DSCAML1: variants seen among roughly 807,000 people sequenced by gnomAD.
The protein encoded by DSCAML1 is cell adhesion molecule DSCAML1.
Under a neutral mutation model 200.5 loss-of-function variants are expected in DSCAML1, and 38 were observed. The observed-to-expected ratio is 0.19, with a 90% CI of 0.15 to 0.25. The LOEUF (loss-of-function observed/expected upper bound fraction) is 0.25, where lower values mean the gene tolerates loss of function less well. Ranked by LOEUF, DSCAML1 falls within the 10% of genes least tolerant of loss-of-function variation. The pLI is 1.00. For synonymous variants in DSCAML1, 1,215 were observed against 1,165.0 expected, an observed-to-expected ratio of 1.04 and a Z score of -0.87; for missense variants, 2,223 against 2,858.8, an observed-to-expected ratio of 0.78 and a Z score of 5.07.
chr11:117,518,822 G>C lies in DSCAML1; in HGVS notation c.1214-60C>G. On this transcript the variant is annotated intron_variant, in intron 6 of 32. Coordinates refer to ENST00000651296, the MANE Select transcript of DSCAML1 (RefSeq NM_020693.4). The surrounding 1 kb of genome is among the most constrained non-coding windows in gnomAD (Gnocchi z 6.3). The stretch of plus-strand genomic sequence containing the variant: ...AAGCCATGGAGAGACGGTCCCCCCA[G>C]CCACCCCACCTCAGCAGGGGAGGAG... The C allele has an allele frequency of 6.5e-7, 1 of 1,536,008 alleles. No homozygotes were observed. Among genetic ancestry groups the C allele is most frequent in the Non-Finnish European group, 8.7e-7 (1 of 1,148,170 alleles).
At chr11:117,757,905 G>A (rs184651365) in intron 3 of DSCAML1, among the ~76,000 whole-genome samples, 5 of 152,256 alleles carry the variant, frequency 3.3e-5, no homozygotes, top group East Asian at 1.9e-4. Context: ...CAGGAGAATC[G>A]CTTGAACCCA....
chr11:117,773,529 GCACACACA>G (rs59492776), intron 3 of DSCAML1, among the ~76,000 whole-genome samples: 446 of 144,586 alleles, frequency 3.1e-3, no homozygotes, highest in Non-Finnish European at 3.9e-3. Context: ...ACCTCAAAAT[GCACACACA>G]CACACACACA....
intron 3 of DSCAML1, among the ~76,000 whole-genome samples, chr11:117,734,459 C>T (rs2054284002): frequency 6.6e-6 from 1 of 152,206 alleles, no homozygotes; most frequent in Non-Finnish European, 1.5e-5. Flanking sequence ...TTCCCCATTC[C>T]TAGAAAGCAC....
rs2049442830 is a variant in DSCAML1 at position 117,503,860 on chromosome 11, A to T, written c.2344T>A (p.Phe782Ile). ...GVGTDISKSM[F>I]LTVKIPAMIT... Reference sequence around the variant, plus strand: ...CAGGACTCACTCTTGACTGTGAGGAACATGGACTTGCTGATGTCGGTGCCT... The same window carrying T: ...CAGGACTCACTCTTGACTGTGAGGATCATGGACTTGCTGATGTCGGTGCCT... Residue 782 changes from phenylalanine to isoleucine, a missense_variant, in exon 11 of 33, where the codon TTC becomes ATC. By Grantham distance (21) the Phe-to-Ile change is conservative (BLOSUM62 0). Around this residue, in one of 7 missense-constraint regions of DSCAML1, gnomAD observed 438 missense variants for 629.7 expected, o/e 0.70. Transcript: ENST00000651296. The surrounding 1 kb of genome is among the most constrained non-coding windows in gnomAD (Gnocchi z 5.2). 6.2e-7 allele frequency: 1 copy of T among 1,614,012 alleles called. No homozygotes were observed. The highest frequency in any genetic ancestry group is 8.5e-7 in the Non-Finnish European group (1 of 1,179,976).
intron 3 of DSCAML1, among the ~76,000 whole-genome samples, chr11:117,608,726 T>C (rs2051625050): frequency 6.6e-6 from 1 of 152,226 alleles, no homozygotes; most frequent in Admixed American, 6.5e-5. Flanking sequence ...TTAGGATACA[T>C]TCATAGAAAT....
chr11:117,600,422 G>A (rs1457293434), intron 3 of DSCAML1, among the ~76,000 whole-genome samples: 4 of 152,148 alleles, frequency 2.6e-5, no homozygotes, highest in Non-Finnish European at 5.9e-5. Flanking sequence ...GGATCATGTC[G>A]GGGAGCAAAT....
chr11:117,565,175 T>C (rs2050734791), intron 3 of DSCAML1, among the ~76,000 whole-genome samples: 1 of 152,222 alleles, frequency 6.6e-6, no homozygotes, highest in Non-Finnish European at 1.5e-5. Flanking sequence ...TAGTATTTCT[T>C]CTGTTTTAAA....
At position 117,773,972 on chromosome 11, in the gene DSCAML1, T is replaced by A. The variant is rs1411039787; in HGVS notation, c.511+2819A>T. On this transcript the variant is annotated intron_variant, in intron 3 of 32. Transcript: ENST00000651296. ...CCACTTTCCTGATAATTATGCCCTA[T>A]GGGGCCACCAGCCCAGTCTTGACAT... Among the ~76,000 whole-genome samples the A allele has an allele frequency of 2.0e-5, 3 of 152,192 alleles. No homozygotes were observed. In the East Asian group the frequency reaches 5.8e-4, roughly 29 times the overall value.
chr11:117,482,264 C>T (rs761795848), intron 11 of DSCAML1, 102 bp from the exon 12 acceptor site: 4 of 1,361,768 alleles, frequency 2.9e-6, no homozygotes, highest in African/African-American at 1.4e-5. Flanking sequence ...CCTCCTCCCC[C>T]AGGAGAGGCT....
rs748318319 is a variant in DSCAML1 at position 117,516,425 on chromosome 11, T to G, written c.1783+42A>C. On this transcript the variant is annotated intron_variant, in intron 8 of 32. Coordinates refer to ENST00000651296, the MANE Select transcript of DSCAML1 (RefSeq NM_020693.4). This position sits in a 1 kb window ranked among gnomAD's most constrained non-coding sequence, Gnocchi z 5.7. Reference sequence around the variant, plus strand: ...TGGGGAAAGGCCCACGCATCCTGGGTGGTCAGGCGGGCAGGGGCCCTGGCT... The same window carrying G: ...TGGGGAAAGGCCCACGCATCCTGGGGGGTCAGGCGGGCAGGGGCCCTGGCT... The G allele has an allele frequency of 4.4e-6, 7 of 1,587,114 alleles. No homozygotes were observed. In the Admixed American group the frequency reaches 1.2e-4, roughly 27 times the overall value.
rs764500346 is a variant in DSCAML1, at chr11:117,726,264, TGC to T, written c.511+50525_511+50526del. On this transcript the variant is annotated intron_variant, in intron 3 of 32. Coordinates refer to ENST00000651296, the MANE Select transcript of DSCAML1 (RefSeq NM_020693.4). ...GTGTGTGTATCTCTGTGTGTGTGTG[TGC>T]GTGTGTGTGTGTGTGTGTGTGTGTG... Among the ~76,000 whole-genome samples, 889 of 136,832 alleles carry T rather than the reference TGC, an allele frequency of 6.5e-3. 2 individuals are homozygous for T. Among genetic ancestry groups the T allele is most frequent in the Middle Eastern group, 0.014 (4 of 276 alleles). 89.8% of individuals were successfully genotyped at this position (136,832 alleles called of 152,430 possible). A position where few individuals can be genotyped will look rare whatever the true frequency, so the allele number is the denominator to read the frequency against.
At chr11:117,769,255 TTATATATTTTATATA>T (rs1291368075) in intron 3 of DSCAML1, among the ~76,000 whole-genome samples, 1 of 7,524 alleles carries the variant, frequency 1.3e-4, no homozygotes, top group Non-Finnish European at 4.2e-4. Flanking sequence ...TATGTATATA[TTATATATTTTATATA>T]TTTATATATT....
At chr11:117,801,190 A>C (rs1044091219), upstream of DSCAML1, 2 of 152,216 alleles carry the variant, frequency 1.3e-5, no homozygotes, top group African/African-American at 4.8e-5. Context: ...ACAAATCAGA[A>C]ATCCTAGGTT....
chr11:117,438,128 G>T (rs915468775), intron 24 of DSCAML1, 45 bp from the exon 25 acceptor site: 4 of 1,551,308 alleles, frequency 2.6e-6, no homozygotes, highest in South Asian at 1.2e-5. Flanking sequence ...GGCAGGGCAA[G>T]GCAGCAGAAG....
chr11:117,717,382 A>T (rs1591435864), intron 3 of DSCAML1, among the ~76,000 whole-genome samples: 1 of 152,030 alleles, frequency 6.6e-6, no homozygotes, highest in Non-Finnish European at 1.5e-5. Flanking sequence ...ACTCCCCTTG[A>T]CGCTCCCTCA....
At chr11:117,693,528 T>A (rs2053535022) in intron 3 of DSCAML1, among the ~76,000 whole-genome samples, 1 of 152,158 alleles carries the variant, frequency 6.6e-6, no homozygotes, top group Admixed American at 6.5e-5. Flanking sequence ...CAGGTACACA[T>A]CAGCTTGTTA....
rs535157666 is a variant in DSCAML1, at chr11:117,684,616, G to C, written c.511+92175C>G. On this transcript the variant is annotated intron_variant, in intron 3 of 32. Coordinates refer to ENST00000651296, the MANE Select transcript of DSCAML1 (RefSeq NM_020693.4). ...ATTAAAAAAAGAAAAGACAGATATGGATGGAGGTGGCCCCTCCTGTCTTTG... is the reference window on the plus strand; with the variant it reads ...ATTAAAAAAAGAAAAGACAGATATGCATGGAGGTGGCCCCTCCTGTCTTTG... Among the ~76,000 whole-genome samples, 80 of 152,160 alleles carry C rather than the reference G, an allele frequency of 5.3e-4. 1 individual carries two copies. The East Asian group carries it at 0.014, about 27-fold the overall frequency.
chr11:117,709,613 T>C (rs2053807761), intron 3 of DSCAML1: 1 of 435,916 alleles, frequency 2.3e-6, no homozygotes, highest in African/African-American at 2.0e-5. Context: ...ATTTCCCCCA[T>C]TGCATGGGGA....
At chr11:117,643,412 T>G (rs148155417) in intron 3 of DSCAML1, among the ~76,000 whole-genome samples, 7 of 152,316 alleles carry the variant, frequency 4.6e-5, no homozygotes, top group Non-Finnish European at 7.4e-5. Flanking sequence ...TCCCTCCCCT[T>G]GGAGGTTAGC....
Sources: gnomAD v4.1 joint callset for allele counts (sites outside exome capture counted in the v4.1 genomes callset) on GRCh38, gnomAD v4.1.1 for gene constraint, gnomAD v4.1.1 regional missense constraint, Gnocchi (gnomAD v3.1) non-coding constraint, MANE v1.5 for transcripts, NCBI Gene and HGNC (gene_info 2026-07-23, HGNC 2026-07-21) for gene names.